Variants in CACNB4 observed in about 807,000 individuals in gnomAD.
CACNB4 encodes voltage-dependent L-type calcium channel subunit beta-4.
Under a neutral mutation model 71.2 loss-of-function variants are expected in CACNB4, and 32 were observed. The observed-to-expected ratio is 0.45, with a 90% confidence interval of 0.34 to 0.60. The LOEUF is 0.60. CACNB4 is among the 20% of genes least tolerant of loss of function. The pLI is 0.01. For synonymous variants in CACNB4, 231 were observed against 236.9 expected (o/e 0.97, Z 0.23); for missense variants, 464 against 647.9 (o/e 0.72, Z 3.08).
intron 2 of CACNB4, among the ~76,000 whole-genome samples, chr2:151,912,550 G>C (rs971610115): frequency 1.3e-5 from 2 of 152,166 alleles, no homozygotes; most frequent in African/African-American, 4.8e-5. Context: ...TATGATTTCA[G>C]TTCTTTTGCA....
intron 2 of CACNB4, among the ~76,000 whole-genome samples, chr2:152,067,942 TTA>T (rs1267840593): frequency 6.6e-6 from 1 of 152,172 alleles, no homozygotes; most frequent in African/African-American, 2.4e-5. Context: ...AATATTAAAA[TTA>T]TATGTTTAGG....
At position 152,096,032 on chromosome 2, in the gene CACNB4, G is replaced by A. The variant is rs187120775; in HGVS notation, c.147+2298C>T. ...CATTGGGGTGATTTCAATTTTATCC[G>A]AAAGTTATTGTTAAACTGCATTTGT... On this transcript the variant is annotated intron_variant, in intron 2 of 13. Coordinates refer to ENST00000539935, the MANE Select transcript of CACNB4 (RefSeq NM_000726.5). Among the ~76,000 whole-genome samples the A allele has an allele frequency of 3.2e-3, 481 of 152,206 alleles. 2 individuals are homozygous for A. The highest frequency in any genetic ancestry group is 0.011 in the African/African-American group (459 of 41,542).
chr2:151,988,496 C>T (rs1315794329), intron 2 of CACNB4, among the ~76,000 whole-genome samples: 1 of 152,150 alleles, frequency 6.6e-6, no homozygotes, highest in African/African-American at 2.4e-5. Context: ...TGGGCCTCTA[C>T]TAGTCTCTCA....
At position 152,098,195 on chromosome 2, in the gene CACNB4, C is replaced by T. The variant is rs1688383587; in HGVS notation, c.147+135G>A. 1.5e-6 allele frequency: 1 copy of T among 654,970 alleles called. No homozygotes were observed. Among genetic ancestry groups the T allele is most frequent in the Non-Finnish European group, 2.7e-6 (1 of 373,598 alleles). The allele number at this position is 654,970 out of a possible 1,614,324, so 40.6% of individuals were successfully genotyped here. A position where few individuals can be genotyped will look rare whatever the true frequency, so the allele number is the denominator to read the frequency against. The stretch of plus-strand genomic sequence containing the variant: ...GAGGGAGAGGGACTGAGCCCGAGCA[C>T]CGGCCGAGGCCGGGAAGAGACGCGC... On this transcript the variant is annotated intron_variant, in intron 2 of 13. Coordinates refer to ENST00000539935, the MANE Select transcript of CACNB4 (RefSeq NM_000726.5). The surrounding 1 kb of genome is among the most constrained non-coding windows in gnomAD (Gnocchi z 5.3).
rs558210476 is a variant in CACNB4, at chr2:151,841,562, T to A, written c.1302+341A>T. ...ATGATCATATCACTGCATTCCAGCC[T>A]GAACAACAGAGTGAGACTATGTCTC... On this transcript the variant is annotated intron_variant, in intron 13 of 13. Transcript: ENST00000539935. 5 of 248,056 alleles carry A rather than the reference T, an allele frequency of 2.0e-5. No homozygotes were observed. The Admixed American group carries it at 2.7e-4, about 13-fold the overall frequency. The allele number at this position is 248,056 out of a possible 1,614,324, so 15.4% of individuals were successfully genotyped here. A position where few individuals can be genotyped will look rare whatever the true frequency, so the allele number is the denominator to read the frequency against.
intron 2 of CACNB4, among the ~76,000 whole-genome samples, chr2:152,064,910 C>T (rs985790960): frequency 1.8e-4 from 27 of 152,222 alleles, no homozygotes; most frequent in African/African-American, 6.0e-4. Flanking sequence ...ACTAGACCCC[C>T]AATATTAAAT....
chr2:151,985,675 CTTT>C (rs11329675), intron 2 of CACNB4, among the ~76,000 whole-genome samples: 16 of 142,008 alleles, frequency 1.1e-4, no homozygotes, highest in Non-Finnish European at 1.1e-4. Flanking sequence ...CCTTAATTTT[CTTT>C]TTTTTTTTTT....
At chr2:152,072,124 TTAGAGATAA>T (rs1371464592) in intron 2 of CACNB4, among the ~76,000 whole-genome samples, 1 of 152,236 alleles carries the variant, frequency 6.6e-6, no homozygotes, top group African/African-American at 2.4e-5. Context: ...GAGGGGCAGT[TTAGAGATAA>T]GAACAAGGAG....
chr2:152,079,335 G>A (rs908102423), intron 2 of CACNB4, among the ~76,000 whole-genome samples: 3 of 152,034 alleles, frequency 2.0e-5, no homozygotes, highest in Admixed American at 6.6e-5. Context: ...TGATCCGCCT[G>A]CCTCAGCCTC....
At chr2:151,920,015 C>T (rs376166871) in intron 2 of CACNB4, among the ~76,000 whole-genome samples, 433 of 152,298 alleles carry the variant, frequency 2.8e-3, no homozygotes, top group Middle Eastern at 0.014. Context: ...GTTGTGATTT[C>T]CAAGTTAAAT....
intron 2 of CACNB4, among the ~76,000 whole-genome samples, chr2:152,047,899 A>AAAAAC (rs752935193): frequency 1.4e-4 from 22 of 152,198 alleles, no homozygotes; most frequent in South Asian, 2.1e-4. Context: ...ACCCTGTTTC[A>AAAAAC]AAAACAAAAC....
At chr2:152,005,682 T>C (rs999404128) in intron 2 of CACNB4, among the ~76,000 whole-genome samples, 5 of 152,222 alleles carry the variant, frequency 3.3e-5, no homozygotes, top group African/African-American at 9.6e-5. Flanking sequence ...GAAACATTTC[T>C]TAAATTACTC....
chr2:151,939,852 A>G (rs2099863806), intron 2 of CACNB4, among the ~76,000 whole-genome samples: 2 of 152,180 alleles, frequency 1.3e-5, no homozygotes, highest in South Asian at 4.1e-4. Flanking sequence ...AGCTATACAA[A>G]TGGAAGGAAT....
chr2:152,095,587 C>G (rs1688222723), intron 2 of CACNB4, among the ~76,000 whole-genome samples: 2 of 152,148 alleles, frequency 1.3e-5, no homozygotes, highest in South Asian at 4.1e-4. Context: ...AATTTCATCA[C>G]TCCAATGTAT....
chr2:152,034,778 G>GA (rs1217034241), intron 2 of CACNB4, among the ~76,000 whole-genome samples: 19 of 152,014 alleles, frequency 1.2e-4, no homozygotes, highest in Non-Finnish European at 2.5e-4. Flanking sequence ...CTGGGGTAAG[G>GA]AAAAAAAATT....
At chr2:151,995,102 T>C (rs1159706884) in intron 2 of CACNB4, among the ~76,000 whole-genome samples, 3 of 152,214 alleles carry the variant, frequency 2.0e-5, no homozygotes, top group African/African-American at 7.2e-5. Flanking sequence ...TTCCAAATTA[T>C]TACTGGCCTA....
chr2:151,907,672 G>A (rs1417723573), intron 2 of CACNB4, among the ~76,000 whole-genome samples: 2 of 152,098 alleles, frequency 1.3e-5, no homozygotes, highest in African/African-American at 4.8e-5. Context: ...ATCAAATATT[G>A]ACTTGATTTT....
intron 2 of CACNB4, chr2:151,971,680 T>C: frequency 4.3e-6 from 3 of 695,244 alleles, no homozygotes. Context: ...CACACCATCT[T>C]GGGTAACACA....
chr2:151,923,535 C>A (rs2099859478), intron 2 of CACNB4, among the ~76,000 whole-genome samples: 1 of 152,210 alleles, frequency 6.6e-6, no homozygotes, highest in South Asian at 2.1e-4. Context: ...GTGCAGGGAG[C>A]TGGAGGAAGC....
Sources: allele counts gnomAD v4.1 joint callset (sites outside exome capture counted in the v4.1 genomes callset), GRCh38; gene constraint gnomAD v4.1.1; non-coding constraint Gnocchi (gnomAD v3.1); transcripts MANE v1.5; gene names NCBI Gene and HGNC (gene_info 2026-07-23, HGNC 2026-07-21).